The following RUNX2 variants were observed in gnomAD, a reference collection of about 807,000 sequenced individuals.
RUNX2 encodes runt-related transcription factor 2.
RUNX2 carries 10 observed loss-of-function variants against 51.7 expected under a neutral mutation model. That is an observed-to-expected ratio of 0.19 (90% CI 0.12 to 0.33). The LOEUF (loss-of-function observed/expected upper bound fraction) is 0.33. RUNX2 is among the 10% of genes least tolerant of loss of function. The pLI is 1.00. For missense variants in RUNX2, 562 were observed against 691.3 expected (o/e 0.81, Z 2.10); for synonymous variants, 276 against 273.6 (o/e 1.01, Z -0.09).
chr6:45,420,277 A>G (rs1278621302), intron 2 of RUNX2, among the ~76,000 whole-genome samples: 1 of 152,124 alleles, frequency 6.6e-6, no homozygotes, highest in Admixed American at 6.5e-5. Context: ...GACTGGCACC[A>G]GGCCCCCATC....
intron 5 of RUNX2, among the ~76,000 whole-genome samples, chr6:45,485,455 G>A (rs1800245306): frequency 6.6e-6 from 1 of 151,426 alleles, no homozygotes; most frequent in Admixed American, 6.6e-5. Flanking sequence ...GCTCGCCTCG[G>A]CCTCCCAAAG....
chr6:45,403,135 C>T (rs1199334026), intron 2 of RUNX2, among the ~76,000 whole-genome samples: 1 of 149,758 alleles, frequency 6.7e-6, no homozygotes, highest in Non-Finnish European at 1.5e-5. Flanking sequence ...TTGTTATTGA[C>T]ACAAAAAATA....
chr6:45,544,782 G>C (rs1448693597), intron 7 of RUNX2, among the ~76,000 whole-genome samples: 3 of 152,194 alleles, frequency 2.0e-5, no homozygotes, highest in African/African-American at 7.2e-5. Flanking sequence ...CCTCCATTTG[G>C]CCTCTGTATT....
intron 3 of RUNX2, 135 bp downstream of exon 3, chr6:45,423,092 C>A: frequency 9.1e-7 from 1 of 1,097,586 alleles, no homozygotes; most frequent in South Asian, 1.5e-5. Context: ...CCAGAAACCC[C>A]CGGCCGGGCC....
chr6:45,508,275 C>A (rs1298125494), intron 6 of RUNX2, among the ~76,000 whole-genome samples: 2 of 123,494 alleles, frequency 1.6e-5, no homozygotes, highest in Admixed American at 2.1e-4. Context: ...GTTGCCCGGG[C>A]TGGAGTGCAA....
chr6:45,476,248 G>A (rs1376641604), intron 5 of RUNX2, among the ~76,000 whole-genome samples: 1 of 152,120 alleles, frequency 6.6e-6, no homozygotes, highest in East Asian at 1.9e-4. Flanking sequence ...GTTTTATTTT[G>A]TTTCCATATT....
In RUNX2 at chr6:45,435,180, A is replaced by G. The variant is rs3792956; in HGVS notation, c.581-2767A>G. The stretch of plus-strand genomic sequence containing the variant: ...TATAGAGAACTCATTCTACTCTGAA[A>G]ATTTAAATGCTTTATACTTGAAGGG... On this transcript the variant is annotated intron_variant, in intron 4 of 8. Coordinates refer to ENST00000647337, the MANE Select transcript of RUNX2 (RefSeq NM_001024630.4). Among the ~76,000 whole-genome samples, 4 of 152,254 alleles carry G rather than the reference A, an allele frequency of 2.6e-5. No homozygotes were observed. In the East Asian group the frequency reaches 7.7e-4, roughly 29 times the overall value.
At chr6:45,435,825 C>T (rs17209902) in intron 4 of RUNX2, among the ~76,000 whole-genome samples, 1 of 152,200 alleles carries the variant, frequency 6.6e-6, no homozygotes, top group Non-Finnish European at 1.5e-5. Context: ...AATCTGACCC[C>T]AAAATGGCAC....
At chr6:45,347,853 T>A (rs1791205411) in intron 2 of RUNX2, among the ~76,000 whole-genome samples, 1 of 152,110 alleles carries the variant, frequency 6.6e-6, no homozygotes, top group Non-Finnish European at 1.5e-5. Context: ...TTACTATTTT[T>A]AAAAAATACT....
At chr6:45,404,288 GAAAA>G (rs777636640) in intron 2 of RUNX2, among the ~76,000 whole-genome samples, 2 of 106,136 alleles carry the variant, frequency 1.9e-5, no homozygotes, top group African/African-American at 7.3e-5. Flanking sequence ...AAAGAAAAAA[GAAAA>G]AAAAAAGGAA....
At chr6:45,502,518 C>G (rs1800826010) in intron 6 of RUNX2, among the ~76,000 whole-genome samples, 1 of 152,134 alleles carries the variant, frequency 6.6e-6, no homozygotes, top group African/African-American at 2.4e-5. Context: ...AGGCCCAAGG[C>G]AGGCCTATTA....
chr6:45,543,371 T>C (rs1256677373), intron 7 of RUNX2, among the ~76,000 whole-genome samples: 1 of 152,230 alleles, frequency 6.6e-6, no homozygotes, highest in Non-Finnish European at 1.5e-5. Flanking sequence ...ATAACATGGA[T>C]AACAGCAAAA....
chr6:45,523,792 C>T (rs1255734226), intron 7 of RUNX2, among the ~76,000 whole-genome samples: 2 of 151,680 alleles, frequency 1.3e-5, no homozygotes, highest in African/African-American at 4.8e-5. Context: ...ATTAGCCAGG[C>T]GTGGTGGCAC....
chr6:45,523,809 G>C (rs781733537), intron 7 of RUNX2, among the ~76,000 whole-genome samples: 7 of 151,930 alleles, frequency 4.6e-5, no homozygotes, highest in Admixed American at 4.6e-4. Context: ...GCACATGTCT[G>C]TAATCCCAGC....
At chr6:45,392,501 T>C (rs990190914) in intron 2 of RUNX2, among the ~76,000 whole-genome samples, 1 of 152,096 alleles carries the variant, frequency 6.6e-6, no homozygotes, top group African/African-American at 2.4e-5. Context: ...ATTCTGTCCC[T>C]AATAAAATAA....
At chr6:45,430,259 G>A (rs1318136036) in intron 3 of RUNX2, among the ~76,000 whole-genome samples, 1 of 152,078 alleles carries the variant, frequency 6.6e-6, no homozygotes, top group Admixed American at 6.5e-5. Flanking sequence ...CTTTGGCCTG[G>A]TATATTTAAA....
At chr6:45,531,300 G>A (rs753727806) in intron 7 of RUNX2, among the ~76,000 whole-genome samples, 10 of 152,060 alleles carry the variant, frequency 6.6e-5, no homozygotes, top group Non-Finnish European at 1.0e-4. Flanking sequence ...TCCTTACTAA[G>A]TAGCCAAAAT....
chr6:45,393,621 G>T (rs944990695), intron 2 of RUNX2, among the ~76,000 whole-genome samples: 3 of 151,990 alleles, frequency 2.0e-5, no homozygotes, highest in African/African-American at 7.3e-5. Flanking sequence ...GTAGAGACGG[G>T]ATTTCACCAT....
intron 2 of RUNX2, among the ~76,000 whole-genome samples, chr6:45,420,407 G>A (rs1335717592): frequency 6.6e-6 from 1 of 152,192 alleles, no homozygotes; most frequent in Non-Finnish European, 1.5e-5. Context: ...GTGGCAGGTC[G>A]CTACGAGGGT....
Sources: allele counts gnomAD v4.1 joint callset (sites outside exome capture counted in the v4.1 genomes callset), GRCh38; gene constraint gnomAD v4.1.1; transcripts MANE v1.5; gene names NCBI Gene and HGNC (gene_info 2026-07-23, HGNC 2026-07-21).